UTS2: variants seen among roughly 807,000 people sequenced by gnomAD.
UTS2 encodes urotensin-2.
Under a neutral mutation model 12.6 loss-of-function variants are expected in UTS2, and 10 were observed. The observed-to-expected ratio is 0.80, with a 90% CI of 0.49 to 1.35. The LOEUF (loss-of-function observed/expected upper bound fraction) is 1.35, where lower values mean the gene tolerates loss of function less well. Ranked by LOEUF, UTS2 falls within the 40% of genes most tolerant of loss-of-function variation. The pLI is 0.00. For synonymous variants in UTS2, 52 were observed against 50.0 expected (o/e 1.04, Z -0.17); for missense variants, 142 against 143.2 (o/e 0.99, Z 0.04).
the UTS2 span, among the ~76,000 whole-genome samples, chr1:7,879,981 G>A: frequency 3.3e-5 from 5 of 152,160 alleles, no homozygotes; most frequent in Non-Finnish European, 1.5e-5. Context: ...TCAAAGCATA[G>A]TACATTGGCT....
the UTS2 span, among the ~76,000 whole-genome samples, chr1:7,879,734 C>T: frequency 7.0e-6 from 1 of 143,780 alleles, no homozygotes; most frequent in Non-Finnish European, 1.5e-5. Flanking sequence ...GAGCAAGACT[C>T]TGTCTAACAA....
the UTS2 span, among the ~76,000 whole-genome samples, chr1:7,910,780 G>A: frequency 8.5e-5 from 13 of 152,082 alleles, no homozygotes; most frequent in African/African-American, 3.1e-4. Flanking sequence ...AGGCTGGAGT[G>A]CAGTGGCACA....
chr1:7,884,546 C>T, the UTS2 span, among the ~76,000 whole-genome samples: 2,595 of 152,176 alleles, frequency 0.017, 41 homozygotes, highest in Non-Finnish European at 0.029. Context: ...TGGGCTCAAG[C>T]GATCCTCCCA....
At chr1:7,893,985 C>T in the UTS2 span, among the ~76,000 whole-genome samples, 4 of 152,152 alleles carry the variant, frequency 2.6e-5, no homozygotes, top group Admixed American at 6.5e-5. Flanking sequence ...GTCTGGCTGC[C>T]GTGCCAAGCT....
At chr1:7,863,018 G>GTAT in the UTS2 span, among the ~76,000 whole-genome samples, 8 of 22,904 alleles carry the variant, frequency 3.5e-4, 1 homozygote, top group African/African-American at 2.8e-4. Context: ...GTATTGTATT[G>GTAT]TATTGTATTG....
chr1:7,871,575 AT>A, the UTS2 span, among the ~76,000 whole-genome samples: 36,016 of 148,008 alleles, frequency 0.24, 5,163 homozygotes, highest in African/African-American at 0.39. Context: ...CAGATATTGC[AT>A]TTTTTTTTTT....
the UTS2 span, among the ~76,000 whole-genome samples, chr1:7,909,522 G>A: frequency 7.0e-6 from 1 of 142,372 alleles, no homozygotes; most frequent in South Asian, 2.3e-4. Flanking sequence ...ACTCCAGCCT[G>A]GATGACAGAG....
the UTS2 span, among the ~76,000 whole-genome samples, chr1:7,881,087 C>T: frequency 1.3e-5 from 2 of 152,194 alleles, no homozygotes; most frequent in Admixed American, 6.5e-5. Flanking sequence ...TAACATTCAA[C>T]ATCCCTTAAT....
At chr1:7,877,892 T>C in the UTS2 span, among the ~76,000 whole-genome samples, 1 of 151,240 alleles carries the variant, frequency 6.6e-6, no homozygotes, top group African/African-American at 2.4e-5. Context: ...AAAAATTTGG[T>C]TGAAAATTTC....
the UTS2 span, among the ~76,000 whole-genome samples, chr1:7,866,004 G>A: frequency 6.6e-6 from 1 of 152,180 alleles, no homozygotes; most frequent in Admixed American, 6.5e-5. The surrounding 1 kb of genome is among the most constrained non-coding windows in gnomAD (Gnocchi z 4.5). Flanking sequence ...ATGTGCAGGG[G>A]ACAAGTGTTA....
At chr1:7,894,245 C>T in the UTS2 span, among the ~76,000 whole-genome samples, 4 of 151,302 alleles carry the variant, frequency 2.6e-5, no homozygotes, top group African/African-American at 4.9e-5. Flanking sequence ...TGCAGTGGCA[C>T]GATCATAGCT....
intron 1 of UTS2, among the ~76,000 whole-genome samples, chr1:7,852,375 C>T (rs4908702): frequency 0.29 from 43,880 of 151,864 alleles, 6,817 homozygotes; most frequent in Non-Finnish European, 0.31. Flanking sequence ...CAAAAGGAAA[C>T]GATCAATATA....
the UTS2 span, among the ~76,000 whole-genome samples, chr1:7,912,004 A>G: frequency 6.6e-6 from 1 of 152,300 alleles, no homozygotes; most frequent in East Asian, 1.9e-4. Flanking sequence ...AAGAACTATC[A>G]TCCAGGGATT....
At chr1:7,890,024 G>A in the UTS2 span, among the ~76,000 whole-genome samples, 7 of 151,176 alleles carry the variant, frequency 4.6e-5, no homozygotes, top group Admixed American at 6.6e-5. Flanking sequence ...TGGAGATCGC[G>A]CCGCTGCACT....
the UTS2 span, among the ~76,000 whole-genome samples, chr1:7,869,962 A>G: frequency 1.3e-5 from 2 of 152,222 alleles, no homozygotes; most frequent in East Asian, 3.9e-4. Context: ...AATGGAAATG[A>G]AAAACTCCAA....
chr1:7,894,389 G>A, the UTS2 span, among the ~76,000 whole-genome samples: 6 of 151,960 alleles, frequency 3.9e-5, no homozygotes, highest in South Asian at 2.1e-4. Flanking sequence ...GCCCAGGCTC[G>A]TCTCAGACTC....
the UTS2 span, among the ~76,000 whole-genome samples, chr1:7,863,517 A>G: frequency 6.6e-6 from 1 of 152,068 alleles, no homozygotes; most frequent in South Asian, 2.1e-4. Context: ...ACTTTTTACT[A>G]TGTGTATCGG....
chr1:7,867,836 A>G, the UTS2 span, among the ~76,000 whole-genome samples: 15 of 152,270 alleles, frequency 9.9e-5, no homozygotes, highest in Middle Eastern at 3.4e-3. Flanking sequence ...AGATGGCACA[A>G]TTGTCCTCCA....
At chr1:7,910,881 C>T in the UTS2 span, among the ~76,000 whole-genome samples, 4 of 152,072 alleles carry the variant, frequency 2.6e-5, no homozygotes, top group African/African-American at 9.7e-5. Flanking sequence ...GGACTACAGG[C>T]GTGAGCCACT....
Sources: allele counts gnomAD v4.1 joint callset (sites outside exome capture counted in the v4.1 genomes callset), GRCh38; gene constraint gnomAD v4.1.1; non-coding constraint Gnocchi (gnomAD v3.1); transcripts MANE v1.5; gene names NCBI Gene and HGNC (gene_info 2026-07-23, HGNC 2026-07-21).